Variants in CAMTA1 observed in about 807,000 individuals in gnomAD.
CAMTA1 encodes calmodulin binding transcription activator 1.
In CAMTA1, 27 loss-of-function variants were observed where a neutral mutation model predicts 170.9. The observed-to-expected ratio is 0.16, with a 90% confidence interval of 0.12 to 0.22. The LOEUF is 0.22. Ranked by LOEUF, CAMTA1 falls within the 10% of genes least tolerant of loss-of-function variation. CAMTA1 has a pLI of 1.00. For missense variants in CAMTA1, 1,619 were observed against 2,217.2 expected, an observed-to-expected ratio of 0.73 and a Z score of 5.42; for synonymous variants, 833 against 891.5, an observed-to-expected ratio of 0.93 and a Z score of 1.17.
At chr1:7,149,697 C>A (rs1646456113) in intron 4 of CAMTA1, among the ~76,000 whole-genome samples, 3 of 152,168 alleles carry the variant, frequency 2.0e-5, no homozygotes, top group Admixed American at 2.0e-4. Flanking sequence ...CCAAGCACGG[C>A]CGTCCCTGAG....
intron 22 of CAMTA1, among the ~76,000 whole-genome samples, chr1:7,763,043 TTGGAAG>T (rs2096987512): frequency 6.6e-6 from 1 of 152,212 alleles, no homozygotes. Context: ...AACTATAGGT[TTGGAAG>T]TCAGACAAAC....
At chr1:7,576,443 C>A (rs2095194345) in intron 6 of CAMTA1, among the ~76,000 whole-genome samples, 1 of 152,118 alleles carries the variant, frequency 6.6e-6, no homozygotes, top group South Asian at 2.1e-4. Flanking sequence ...TGAGTGAATA[C>A]AATTAGTGCC....
At chr1:6,931,147 A>T (rs1356759789) in intron 3 of CAMTA1, among the ~76,000 whole-genome samples, 1 of 152,212 alleles carries the variant, frequency 6.6e-6, no homozygotes, top group Non-Finnish European at 1.5e-5. Flanking sequence ...TGCTCATCTG[A>T]GGGAAGCAAG....
At chr1:7,080,126 A>C (rs1639819287) in intron 3 of CAMTA1, among the ~76,000 whole-genome samples, 1 of 152,244 alleles carries the variant, frequency 6.6e-6, no homozygotes, top group Non-Finnish European at 1.5e-5. Flanking sequence ...AATATGGGAT[A>C]ACACAATTGT....
At chr1:7,595,179 C>A (rs369289555) in intron 6 of CAMTA1, among the ~76,000 whole-genome samples, 1 of 152,196 alleles carries the variant, frequency 6.6e-6, no homozygotes, top group East Asian at 1.9e-4. Context: ...CACTTCGAGG[C>A]AGCCCTGGAT....
At chr1:7,527,630 A>G (rs781357784) in intron 6 of CAMTA1, among the ~76,000 whole-genome samples, 12 of 152,218 alleles carry the variant, frequency 7.9e-5, no homozygotes, top group Non-Finnish European at 1.6e-4. Flanking sequence ...GGGGCCTTGT[A>G]TCTTGAGCCT....
intron 6 of CAMTA1, among the ~76,000 whole-genome samples, chr1:7,513,530 G>A (rs2094232957): frequency 6.6e-6 from 1 of 152,138 alleles, no homozygotes; most frequent in Non-Finnish European, 1.5e-5. Context: ...CTGGCTTCCA[G>A]TGTTTGCTGC....
chr1:7,251,657 C>G lies in CAMTA1; in HGVS notation c.438+2031C>G, dbSNP rs572290717. Among the ~76,000 whole-genome samples, 1 of 152,158 alleles carries G rather than the reference C, an allele frequency of 6.6e-6. No homozygotes were observed. The highest frequency in any genetic ancestry group is 2.4e-5 in the African/African-American group (1 of 41,430). On this transcript the variant is annotated intron_variant, in intron 5 of 22. Transcript: ENST00000303635. The surrounding 1 kb of genome is among the most constrained non-coding windows in gnomAD (Gnocchi z 5.1). The stretch of plus-strand genomic sequence containing the variant: ...TGGTGTCAGCAGAGAGAACAGGAGT[C>G]ATATTCTCTGCCCCACGGACTCATG...
At chr1:6,980,207 G>T (rs922950225) in intron 3 of CAMTA1, among the ~76,000 whole-genome samples, 1 of 152,180 alleles carries the variant, frequency 6.6e-6, no homozygotes, top group African/African-American at 2.4e-5. Context: ...CCTACAAGTC[G>T]GGGTGGAGTC....
chr1:7,220,721 A>T (rs1660599359), intron 4 of CAMTA1, among the ~76,000 whole-genome samples: 1 of 152,220 alleles, frequency 6.6e-6, no homozygotes, highest in African/African-American at 2.4e-5. Flanking sequence ...AATGAGAGCC[A>T]ATCTTAGGCT....
intron 4 of CAMTA1, among the ~76,000 whole-genome samples, chr1:7,192,639 C>A (rs1654755435): frequency 6.6e-6 from 1 of 152,188 alleles, no homozygotes; most frequent in South Asian, 2.1e-4. Flanking sequence ...GGGGTCAGGC[C>A]CAGCCCCTGA....
At chr1:7,304,481 T>C (rs1490827392) in intron 5 of CAMTA1, among the ~76,000 whole-genome samples, 2 of 152,208 alleles carry the variant, frequency 1.3e-5, no homozygotes, top group Non-Finnish European at 2.9e-5. Context: ...ACTTTTTATT[T>C]TCACAGATAT....
At chr1:7,652,987 C>T (rs1421650261) in intron 7 of CAMTA1, among the ~76,000 whole-genome samples, 1 of 152,210 alleles carries the variant, frequency 6.6e-6, no homozygotes, top group African/African-American at 2.4e-5. Context: ...CAAGGGATCA[C>T]TGGGAGGTTA....
chr1:7,740,729 A>C (rs1475753701), intron 16 of CAMTA1, among the ~76,000 whole-genome samples: 1 of 152,222 alleles, frequency 6.6e-6, no homozygotes, highest in Non-Finnish European at 1.5e-5. Context: ...TGGGTTTCTA[A>C]TTTTATTTAA....
chr1:7,382,652 A>G (rs1015760599), intron 5 of CAMTA1: 2 of 152,264 alleles, frequency 1.3e-5, no homozygotes, highest in African/African-American at 4.8e-5. Context: ...GGCTGGCCCA[A>G]GGACTCAAAC....
intron 4 of CAMTA1, among the ~76,000 whole-genome samples, chr1:7,106,780 A>G (rs1247952567): frequency 2.0e-5 from 3 of 152,078 alleles, no homozygotes; most frequent in East Asian, 1.9e-4. Context: ...GTTGCATCTC[A>G]TGAACCTGCT....
chr1:7,486,523 T>A (rs2093619559), intron 6 of CAMTA1, among the ~76,000 whole-genome samples: 1 of 152,168 alleles, frequency 6.6e-6, no homozygotes, highest in Admixed American at 6.5e-5. Flanking sequence ...GAGCCTCCCC[T>A]GGGGCAAGTC....
chr1:7,040,246 T>C (rs879601513), intron 3 of CAMTA1, among the ~76,000 whole-genome samples: 2 of 151,960 alleles, frequency 1.3e-5, no homozygotes, highest in Non-Finnish European at 2.9e-5. Flanking sequence ...AATCTGCTGC[T>C]GTGTTGTCTC....
intron 6 of CAMTA1, among the ~76,000 whole-genome samples, chr1:7,517,827 G>A (rs1269325698): frequency 6.6e-6 from 1 of 151,938 alleles, no homozygotes; most frequent in Admixed American, 6.5e-5. Context: ...GGATGTCCAG[G>A]CAGAGGTTTG....
Sources: allele counts gnomAD v4.1 joint callset (sites outside exome capture counted in the v4.1 genomes callset), GRCh38; gene constraint gnomAD v4.1.1; non-coding constraint Gnocchi (gnomAD v3.1); transcripts MANE v1.5; gene names NCBI Gene and HGNC (gene_info 2026-07-23, HGNC 2026-07-21).